GLT8D2: variants seen among roughly 807,000 people sequenced by gnomAD.
GLT8D2 encodes the protein glycosyltransferase 8 domain-containing protein 2.
In GLT8D2, 45 loss-of-function variants were observed where a neutral mutation model predicts 44.5. That is an observed-to-expected ratio of 1.01 (90% CI 0.80 to 1.30). The LOEUF is 1.30. Among genes scored for constraint, GLT8D2 ranks in the 50% most tolerant of loss-of-function variants. The pLI is 0.00. For missense variants in GLT8D2, 400 were observed against 430.4 expected (o/e 0.93, Z 0.62); for synonymous variants, 156 against 157.2 (o/e 0.99, Z 0.06).
At chr12:104,000,479 C>A (rs1043308058) in intron 5 of GLT8D2, among the ~76,000 whole-genome samples, 1 of 152,050 alleles carries the variant, frequency 6.6e-6, no homozygotes. Flanking sequence ...TTGTGATGAT[C>A]CAGTAAACTG....
intron 4 of GLT8D2, chr12:104,012,484 C>A: frequency 4.2e-6 from 1 of 238,802 alleles, no homozygotes; most frequent in South Asian, 1.4e-4. Flanking sequence ...GCTGTTTTAA[C>A]AGCTGTTTTA....
chr12:104,005,541 A>G (rs544923870), intron 4 of GLT8D2, among the ~76,000 whole-genome samples: 15 of 152,216 alleles, frequency 9.9e-5, no homozygotes, highest in Non-Finnish European at 2.2e-4. Context: ...TACAAGAAAA[A>G]AACAAACAAC....
In GLT8D2 at chr12:103,989,339, T is replaced by G; in HGVS notation, c.*69A>C. On this transcript the variant is annotated 3_prime_UTR_variant, in exon 11 of 11. Coordinates refer to ENST00000360814, the MANE Select transcript of GLT8D2 (RefSeq NM_001384711.1). ...CAAAGGTAATATTCATAAAGAACAATGTTATAGTTGGCTACAAAGGGACAA... is the reference window on the plus strand; with the variant it reads ...CAAAGGTAATATTCATAAAGAACAAGGTTATAGTTGGCTACAAAGGGACAA... The G allele has an allele frequency of 7.7e-7, 1 of 1,303,732 alleles. No homozygotes were observed. Among genetic ancestry groups the G allele is most frequent in the East Asian group, 2.3e-5 (1 of 42,676 alleles). 80.8% of individuals were successfully genotyped at this position (1,303,732 alleles called of 1,614,324 possible).
intron 4 of GLT8D2, among the ~76,000 whole-genome samples, chr12:104,006,690 C>T (rs903430800): frequency 6.6e-6 from 1 of 152,306 alleles, no homozygotes; most frequent in Admixed American, 6.5e-5. Flanking sequence ...TTGAGCTGGG[C>T]TCCTGTGTCC....
At chr12:104,047,741 G>T (rs1213980386) in intron 1 of GLT8D2, among the ~76,000 whole-genome samples, 2 of 152,106 alleles carry the variant, frequency 1.3e-5, no homozygotes. Flanking sequence ...AATTTTGGGG[G>T]GACACAAACC....
rs775479841 is a variant in GLT8D2 at position 104,015,124 on chromosome 12, C to A, written c.20-19G>T. On this transcript the variant is annotated intron_variant, in intron 3 of 10. Transcript: ENST00000360814. ...TGATTAACTGAAATAGAAATGGAAACACATTAACATTGAACCTATGAACCT... is the reference window on the plus strand; with the variant it reads ...TGATTAACTGAAATAGAAATGGAAAAACATTAACATTGAACCTATGAACCT... 7 of 1,579,374 alleles carry A rather than the reference C, an allele frequency of 4.4e-6. No homozygotes were observed. The South Asian group carries it at 7.8e-5, about 18-fold the overall frequency.
intron 10 of GLT8D2, 76 bp from the exon 11 acceptor site, chr12:103,989,653 C>A: frequency 7.8e-7 from 1 of 1,285,306 alleles, no homozygotes; most frequent in South Asian, 1.4e-5. Context: ...AATACAAGTT[C>A]ATAGTTTAAA....
intron 5 of GLT8D2, among the ~76,000 whole-genome samples, chr12:103,999,939 G>A (rs1376491178): frequency 3.9e-5 from 6 of 152,176 alleles, no homozygotes; most frequent in Non-Finnish European, 1.5e-5. Flanking sequence ...TTACTCTGCT[G>A]TTTTGACTCC....
intron 1 of GLT8D2, among the ~76,000 whole-genome samples, chr12:104,039,967 TA>T (rs780418913): frequency 2.6e-5 from 4 of 152,148 alleles, no homozygotes; most frequent in Non-Finnish European, 4.4e-5. Context: ...TATGCAGCCA[TA>T]AAAAAGGTGA....
intron 1 of GLT8D2, among the ~76,000 whole-genome samples, chr12:104,040,959 GAGTTAACT>G (rs1215601610): frequency 1.3e-5 from 2 of 152,110 alleles, no homozygotes. Context: ...ATGTAAATAT[GAGTTAACT>G]AGCTAAAAAT....
At chr12:104,020,162 T>A (rs1177914281) in intron 2 of GLT8D2, among the ~76,000 whole-genome samples, 2 of 152,082 alleles carry the variant, frequency 1.3e-5, no homozygotes, top group Non-Finnish European at 2.9e-5. Context: ...CCTCAAGCAA[T>A]CCATCCATCT....
intron 1 of GLT8D2, among the ~76,000 whole-genome samples, chr12:104,057,528 A>G (rs1306470141): frequency 6.6e-6 from 1 of 151,070 alleles, no homozygotes; most frequent in Non-Finnish European, 1.5e-5. Flanking sequence ...AAAAAAAAAA[A>G]GCAAAACACA....
chr12:104,054,077 C>T (rs1881963076), upstream of GLT8D2, among the ~76,000 whole-genome samples: 1 of 151,846 alleles, frequency 6.6e-6, no homozygotes. Flanking sequence ...TTAATTAACA[C>T]ATCCAACACC....
intron 8 of GLT8D2, 59 bp downstream of exon 8, chr12:103,996,676 G>C (rs1873461769): frequency 8.3e-7 from 1 of 1,200,254 alleles, no homozygotes; most frequent in Admixed American, 1.8e-5. Flanking sequence ...TTGCAGAGGG[G>C]GGAGAAGGGG....
At chr12:104,062,323 T>G (rs1882727042) in intron 1 of GLT8D2, among the ~76,000 whole-genome samples, 1 of 152,094 alleles carries the variant, frequency 6.6e-6, no homozygotes, top group Non-Finnish European at 1.5e-5. Flanking sequence ...TCTGCCCTCC[T>G]CGGCCTCTCA....
chr12:104,058,950 A>G (rs1457390658), intron 1 of GLT8D2, among the ~76,000 whole-genome samples: 1 of 152,212 alleles, frequency 6.6e-6, no homozygotes, highest in African/African-American at 2.4e-5. Flanking sequence ...CTCAATTACG[A>G]ATGGGCAGGT....
At chr12:104,014,956 A>G (rs922772094) in intron 4 of GLT8D2, 57 bp downstream of exon 4, 212 of 1,228,768 alleles carry the variant, frequency 1.7e-4, no homozygotes, top group Middle Eastern at 1.9e-4. Context: ...ACCTAGAGGA[A>G]CATATTCAAA....
At chr12:104,047,821 C>T (rs1881333066) in intron 1 of GLT8D2, among the ~76,000 whole-genome samples, 1 of 152,214 alleles carries the variant, frequency 6.6e-6, no homozygotes, top group South Asian at 2.1e-4. Context: ...CTTGCTTTCT[C>T]CTGTGCTAGC....
At chr12:104,051,984 T>C (rs1881767784), upstream of GLT8D2, among the ~76,000 whole-genome samples, 1 of 151,842 alleles carries the variant, frequency 6.6e-6, no homozygotes, top group African/African-American at 2.4e-5. Flanking sequence ...AATATGTATA[T>C]CTATTATGTT....
Sources: allele counts gnomAD v4.1 joint callset (sites outside exome capture counted in the v4.1 genomes callset), GRCh38; gene constraint gnomAD v4.1.1; transcripts MANE v1.5; gene names NCBI Gene and HGNC (gene_info 2026-07-23, HGNC 2026-07-21).